RAPGEF4: variants seen among roughly 807,000 people sequenced by gnomAD.
The protein encoded by RAPGEF4 is Rap guanine nucleotide exchange factor 4.
RAPGEF4 carries 66 observed loss-of-function variants against 147.9 expected under a neutral mutation model. The observed-to-expected ratio is 0.45, with a 90% CI of 0.37 to 0.55. The LOEUF (loss-of-function observed/expected upper bound fraction) is 0.55. RAPGEF4 is among the 20% of genes least tolerant of loss of function. The pLI is 0.00. For synonymous variants in RAPGEF4, 419 were observed against 442.7 expected (o/e 0.95, Z 0.67); for missense variants, 1,071 against 1,257.3 (o/e 0.85, Z 2.24).
At chr2:173,039,000 C>G (rs1223337207) in intron 29 of RAPGEF4, among the ~76,000 whole-genome samples, 4 of 152,194 alleles carry the variant, frequency 2.6e-5, no homozygotes, top group Non-Finnish European at 5.9e-5. Context: ...GTGGATTCCT[C>G]CATGCCTAGC....
At chr2:172,736,976 A>G (rs886178757) in intron 1 of RAPGEF4, among the ~76,000 whole-genome samples, 2 of 152,218 alleles carry the variant, frequency 1.3e-5, no homozygotes, top group African/African-American at 2.4e-5. Context: ...ATTTGTGTGA[A>G]ATATTTTGTG....
intron 4 of RAPGEF4, among the ~76,000 whole-genome samples, chr2:172,884,197 G>C (rs1212682227): frequency 6.6e-6 from 1 of 152,182 alleles, no homozygotes; most frequent in Non-Finnish European, 1.5e-5. Context: ...TTGCTGGGAG[G>C]CTTCTCCTAC....
chr2:172,929,494 A>G (rs376550187), intron 6 of RAPGEF4, among the ~76,000 whole-genome samples: 1 of 152,240 alleles, frequency 6.6e-6, no homozygotes, highest in Non-Finnish European at 1.5e-5. Context: ...TTCAGAAAAG[A>G]AAATGGTCAA....
intron 4 of RAPGEF4, among the ~76,000 whole-genome samples, chr2:172,820,656 A>G (rs542779389): frequency 5.9e-5 from 9 of 152,246 alleles, no homozygotes; most frequent in Non-Finnish European, 1.2e-4. Flanking sequence ...AATGTATTTC[A>G]TGCTTTATGA....
intron 16 of RAPGEF4, 112 bp downstream of exon 16, chr2:172,996,666 G>GTGTAT: frequency 1.4e-6 from 1 of 716,814 alleles, no homozygotes; most frequent in East Asian, 3.0e-5. Flanking sequence ...AGGGGATTCT[G>GTGTAT]TGTATTGATA....
intron 30 of RAPGEF4, 121 bp from the exon 31 acceptor site, chr2:173,051,519 T>C (rs1405496328): frequency 4.9e-6 from 5 of 1,010,260 alleles, no homozygotes; most frequent in East Asian, 5.6e-5. Context: ...TGTGGTGTGT[T>C]GAAAGGTCTT....
At chr2:172,772,733 C>A (rs745688195) in intron 1 of RAPGEF4, among the ~76,000 whole-genome samples, 2 of 152,226 alleles carry the variant, frequency 1.3e-5, no homozygotes, top group Non-Finnish European at 2.9e-5. Context: ...ATGTGAATAA[C>A]CAAGCGTGTG....
chr2:172,955,562 C>G (rs1688640631), intron 6 of RAPGEF4, among the ~76,000 whole-genome samples: 1 of 152,198 alleles, frequency 6.6e-6, no homozygotes, highest in African/African-American at 2.4e-5. Context: ...TTCTTTCATG[C>G]TCAGGTAGGG....
chr2:172,831,266 C>CTTTTTTTTTTTTTTTTTTTT lies in RAPGEF4; in HGVS notation c.444+16860_444+16861insTTTTTTTTTTTTTTTTTTTT, dbSNP rs71018521. ...AAATGTGACTGTTTCAGATAGAAAA[C>CTTTTTTTTTTTTTTTTTTTT]TTTTTTTTTTTTTTTTTTTGAGACA... On this transcript the variant is annotated intron_variant, in intron 4 of 30. Transcript: ENST00000397081. Among the ~76,000 whole-genome samples the CTTTTTTTTTTTTTTTTTTTT allele has an allele frequency of 2.2e-3, 118 of 53,872 alleles. 31 individuals carry two copies. Among genetic ancestry groups the CTTTTTTTTTTTTTTTTTTTT allele is most frequent in the African/African-American group, 3.4e-3 (55 of 16,014 alleles). 35.3% of individuals were successfully genotyped at this position (53,872 alleles called of 152,430 possible).
intron 6 of RAPGEF4, among the ~76,000 whole-genome samples, chr2:172,954,702 A>G (rs1688555558): frequency 6.6e-6 from 1 of 152,254 alleles, no homozygotes; most frequent in South Asian, 2.1e-4. Flanking sequence ...GATCTTAGTT[A>G]TATTATTCCA....
chr2:173,016,589 T>C lies in RAPGEF4; in HGVS notation c.1898+152T>C. Reference sequence around the variant, plus strand: ...TGGGCTGAGGGCATAGGTGGTGCAGTAAGGCCAGAGGAACAGAAGGACTGA... The same window carrying C: ...TGGGCTGAGGGCATAGGTGGTGCAGCAAGGCCAGAGGAACAGAAGGACTGA... On this transcript the variant is annotated intron_variant, in intron 19 of 30. Coordinates refer to ENST00000397081, the MANE Select transcript of RAPGEF4 (RefSeq NM_007023.4). 1.6e-5 allele frequency: 10 copies of C among 633,966 alleles called. No individual in the cohort carries two copies. The South Asian group carries it at 1.9e-4, about 12-fold the overall frequency. The allele number at this position is 633,966 out of a possible 1,614,324, so 39.3% of individuals were successfully genotyped here. A position where few individuals can be genotyped will look rare whatever the true frequency, so the allele number is the denominator to read the frequency against.
intron 1 of RAPGEF4, among the ~76,000 whole-genome samples, chr2:172,794,536 A>G (rs530058799): frequency 6.6e-6 from 1 of 152,162 alleles, no homozygotes; most frequent in South Asian, 2.1e-4. Context: ...CCTGATGCCC[A>G]CCATTCCCTG....
At chr2:173,048,489 C>T in intron 29 of RAPGEF4, 111 bp from the exon 30 acceptor site, 2 of 1,510,330 alleles carry the variant, frequency 1.3e-6, no homozygotes, top group African/African-American at 1.4e-5. Context: ...CATCTCAGAA[C>T]ATGTCACTTC....
intron 4 of RAPGEF4, among the ~76,000 whole-genome samples, chr2:172,837,928 C>T (rs1691143294): frequency 6.6e-6 from 1 of 152,126 alleles, no homozygotes; most frequent in Non-Finnish European, 1.5e-5. Flanking sequence ...TCCATTCTCA[C>T]CAACACTTAG....
At chr2:172,783,415 G>C (rs149167116) in intron 1 of RAPGEF4, among the ~76,000 whole-genome samples, 2 of 152,212 alleles carry the variant, frequency 1.3e-5, no homozygotes, top group Non-Finnish European at 2.9e-5. Context: ...GCTAAACAAG[G>C]AGGCATTATG....
At chr2:172,822,953 C>G (rs1246786206) in intron 4 of RAPGEF4, among the ~76,000 whole-genome samples, 2 of 152,202 alleles carry the variant, frequency 1.3e-5, no homozygotes, top group Non-Finnish European at 2.9e-5. Context: ...TTGTTTCCCA[C>G]CAGGTGGAGG....
intron 1 of RAPGEF4, among the ~76,000 whole-genome samples, chr2:172,777,482 C>A (rs1468578355): frequency 6.6e-6 from 1 of 152,216 alleles, no homozygotes; most frequent in Non-Finnish European, 1.5e-5. Context: ...TGTGTGACCT[C>A]TGGAATGTCC....
At chr2:172,753,524 G>A (rs1171481232) in intron 1 of RAPGEF4, among the ~76,000 whole-genome samples, 1 of 150,522 alleles carries the variant, frequency 6.6e-6, no homozygotes, top group South Asian at 2.1e-4. Context: ...TTTTGAATTG[G>A]GAAAAGCAAC....
intron 29 of RAPGEF4, among the ~76,000 whole-genome samples, chr2:173,038,052 T>C (rs865982436): frequency 2.0e-4 from 30 of 152,312 alleles, no homozygotes; most frequent in Non-Finnish European, 1.0e-4. Flanking sequence ...CTGGGCACTA[T>C]GTCTTAAGCT....
Sources: gnomAD v4.1 joint callset for allele counts (sites outside exome capture counted in the v4.1 genomes callset) on GRCh38, gnomAD v4.1.1 for gene constraint, MANE v1.5 for transcripts, NCBI Gene and HGNC (gene_info 2026-07-23, HGNC 2026-07-21) for gene names.